The following MAGI2 variants were observed in gnomAD, a reference collection of about 807,000 sequenced individuals.
The protein encoded by MAGI2 is membrane associated guanylate kinase, WW and PDZ domain containing 2, also known as membrane-associated guanylate kinase, WW and PDZ domain-containing protein 2.
In MAGI2, 35 loss-of-function variants were observed where a neutral mutation model predicts 133.3. That is an observed-to-expected ratio of 0.26 (90% CI 0.20 to 0.35). MAGI2 has a LOEUF of 0.35. MAGI2 is among the 10% of genes least tolerant of loss of function. MAGI2 has a pLI of 1.00. For missense variants in MAGI2, 1,636 were observed against 1,863.4 expected (o/e 0.88, Z 2.25); for synonymous variants, 729 against 710.6 (o/e 1.03, Z -0.41).
chr7:79,256,399 T>C (rs765438835), intron 1 of MAGI2, among the ~76,000 whole-genome samples: 1 of 152,148 alleles, frequency 6.6e-6, no homozygotes, highest in Non-Finnish European at 1.5e-5. Context: ...ATTTGTTCAT[T>C]GCTCAGGAGT....
intron 21 of MAGI2, among the ~76,000 whole-genome samples, chr7:78,060,244 A>ACC (rs546547396): frequency 2.8e-4 from 29 of 102,134 alleles, no homozygotes; most frequent in Admixed American, 4.2e-4. Context: ...AACAAAAGGG[A>ACC]CCCCCCCCCC....
chr7:79,161,521 C>A (rs1824355926), intron 1 of MAGI2, among the ~76,000 whole-genome samples: 1 of 151,838 alleles, frequency 6.6e-6, no homozygotes, highest in Admixed American at 6.6e-5. Flanking sequence ...CAGAAGAGTT[C>A]TGTGACAAAA....
chr7:78,372,429 C>G (rs1231472264), intron 6 of MAGI2, among the ~76,000 whole-genome samples: 1 of 152,108 alleles, frequency 6.6e-6, no homozygotes, highest in Non-Finnish European at 1.5e-5. Flanking sequence ...ACTATTTGTC[C>G]AATCAGGCAA....
chr7:79,241,349 A>C (rs572424787), intron 1 of MAGI2, among the ~76,000 whole-genome samples: 1 of 152,226 alleles, frequency 6.6e-6, no homozygotes, highest in Non-Finnish European at 1.5e-5. Flanking sequence ...CTTTATAAAG[A>C]TTATAACAGT....
chr7:78,329,612 C>G (rs1003129988), intron 9 of MAGI2, among the ~76,000 whole-genome samples: 1 of 152,210 alleles, frequency 6.6e-6, no homozygotes, highest in African/African-American at 2.4e-5. Context: ...TACTTTTCTT[C>G]ATGCATACTC....
chr7:78,164,058 A>T (rs1825377591), intron 15 of MAGI2, among the ~76,000 whole-genome samples: 1 of 152,138 alleles, frequency 6.6e-6, no homozygotes, highest in Non-Finnish European at 1.5e-5. Context: ...TTTGCAGGTC[A>T]CCACAGTCCT....
intron 1 of MAGI2, among the ~76,000 whole-genome samples, chr7:79,298,834 A>C (rs1421167532): frequency 6.6e-6 from 1 of 152,188 alleles, no homozygotes; most frequent in Admixed American, 6.5e-5. Flanking sequence ...AAACACATAC[A>C]TGCAGAGGGA....
intron 9 of MAGI2, among the ~76,000 whole-genome samples, chr7:78,336,768 A>G (rs1310958395): frequency 8.4e-5 from 12 of 142,206 alleles, no homozygotes; most frequent in Non-Finnish European, 1.9e-4. Context: ...AGAAAGAAGC[A>G]AGAAGAAGAA....
At chr7:78,277,442 A>T (rs1478293287) in intron 9 of MAGI2, among the ~76,000 whole-genome samples, 3 of 152,202 alleles carry the variant, frequency 2.0e-5, no homozygotes, top group Non-Finnish European at 4.4e-5. Flanking sequence ...GACACACAGT[A>T]AAGGCTTGCA....
chr7:79,387,215 C>T (rs1201346343), intron 1 of MAGI2, among the ~76,000 whole-genome samples: 3 of 151,460 alleles, frequency 2.0e-5, no homozygotes, highest in African/African-American at 4.9e-5. Context: ...TTAGAATTGG[C>T]AAGGAATTCT....
chr7:79,223,936 C>T (rs1374646954), intron 1 of MAGI2, among the ~76,000 whole-genome samples: 1 of 152,044 alleles, frequency 6.6e-6, no homozygotes, highest in Admixed American at 6.5e-5. Context: ...ATAGTTAAGT[C>T]TCTTCTTCCC....
At chr7:79,063,736 A>C (rs1370814204) in intron 1 of MAGI2, among the ~76,000 whole-genome samples, 1 of 152,134 alleles carries the variant, frequency 6.6e-6, no homozygotes, top group Non-Finnish European at 1.5e-5. Flanking sequence ...TTTCTACACC[A>C]ATCCATCTGC....
chr7:78,373,907 T>C (rs1301809553), intron 6 of MAGI2, among the ~76,000 whole-genome samples: 3 of 152,194 alleles, frequency 2.0e-5, no homozygotes, highest in South Asian at 2.1e-4. Context: ...GCTGCATCCA[T>C]GTTGCTGCAA....
At chr7:78,999,660 G>A (rs1427670202) in intron 2 of MAGI2, among the ~76,000 whole-genome samples, 1 of 152,184 alleles carries the variant, frequency 6.6e-6, no homozygotes, top group African/African-American at 2.4e-5. Flanking sequence ...CATACATCGA[G>A]ATGAGTAAAC....
intron 1 of MAGI2, among the ~76,000 whole-genome samples, chr7:79,361,420 A>G (rs1842369900): frequency 6.6e-6 from 1 of 152,174 alleles, no homozygotes; most frequent in Admixed American, 6.5e-5. Context: ...CTACTGACAT[A>G]GGTGAGGACA....
chr7:79,115,369 AT>A (rs1819300846), intron 1 of MAGI2, among the ~76,000 whole-genome samples: 1 of 152,238 alleles, frequency 6.6e-6, no homozygotes, highest in Non-Finnish European at 1.5e-5. Flanking sequence ...CATTATTTTT[AT>A]ATATGCCTTA....
At chr7:78,338,450 T>C (rs949753488) in intron 9 of MAGI2, among the ~76,000 whole-genome samples, 36 of 152,226 alleles carry the variant, frequency 2.4e-4, no homozygotes, top group Admixed American at 9.8e-4. Flanking sequence ...CTGTGTACTA[T>C]TGTTGTACTT....
At position 78,308,135 on chromosome 7, in the gene MAGI2, T is replaced by C. The variant is rs10215510; in HGVS notation, c.1408+35643A>G. On this transcript the variant is annotated intron_variant, in intron 9 of 21. Coordinates refer to ENST00000354212, the MANE Select transcript of MAGI2 (RefSeq NM_012301.4). The stretch of plus-strand genomic sequence containing the variant: ...CTACCCTGTTGATGGTGAAATTCAC[T>C]GTCAATGTTATTCAGTGCCAGTGCC... 5.9e-3 allele frequency among the ~76,000 whole-genome samples: 892 copies of C among 152,356 alleles called. 9 individuals carry two copies. Among genetic ancestry groups the C allele is most frequent in the African/African-American group, 0.019 (809 of 41,592 alleles).
At chr7:79,186,989 A>C (rs940204839) in intron 1 of MAGI2, among the ~76,000 whole-genome samples, 1 of 151,242 alleles carries the variant, frequency 6.6e-6, no homozygotes, top group African/African-American at 2.4e-5. Flanking sequence ...TTTTTTTCTG[A>C]TACAAATGCT....
Sources: allele counts gnomAD v4.1 joint callset (sites outside exome capture counted in the v4.1 genomes callset), GRCh38; gene constraint gnomAD v4.1.1; transcripts MANE v1.5; gene names NCBI Gene and HGNC (gene_info 2026-07-23, HGNC 2026-07-21).